Variants in UBASH3B observed in about 807,000 individuals in gnomAD.
UBASH3B encodes the protein ubiquitin-associated and SH3 domain-containing protein B.
A neutral mutation model predicts 83.4 loss-of-function variants in UBASH3B; 37 were observed. That is an observed-to-expected ratio of 0.44 (90% CI 0.34 to 0.58). The LOEUF is 0.58. UBASH3B is among the 20% of genes least tolerant of loss of function. The probability of loss-of-function intolerance (pLI) is 0.01; values close to 1 mark genes in which losing one functional copy is unlikely to be tolerated. For synonymous variants in UBASH3B, 304 were observed against 318.3 expected (o/e 0.96, Z 0.48); for missense variants, 657 against 827.2 (o/e 0.79, Z 2.52).
intron 1 of UBASH3B, among the ~76,000 whole-genome samples, chr11:122,695,621 C>T (rs558867432): frequency 1.3e-5 from 2 of 152,072 alleles, no homozygotes; most frequent in African/African-American, 4.8e-5. Flanking sequence ...ACTTTTTCCC[C>T]GTTATCCATC....
chr11:122,767,266 CAA>C (rs202221314), intron 1 of UBASH3B, among the ~76,000 whole-genome samples: 261 of 140,806 alleles, frequency 1.9e-3, no homozygotes, highest in Middle Eastern at 3.6e-3. Flanking sequence ...GACTCCGTCT[CAA>C]AAAAAAAAAA....
intron 1 of UBASH3B, among the ~76,000 whole-genome samples, chr11:122,719,422 C>A (rs1401358276): frequency 3.3e-5 from 5 of 152,156 alleles, no homozygotes; most frequent in Non-Finnish European, 5.9e-5. Context: ...GTCTTTCTTA[C>A]CATTTTTCTT....
At chr11:122,735,913 C>G (rs1860924750) in intron 1 of UBASH3B, among the ~76,000 whole-genome samples, 1 of 152,146 alleles carries the variant, frequency 6.6e-6, no homozygotes, top group African/African-American at 2.4e-5. Context: ...AGGATTTTAC[C>G]TGTAGGTAAC....
chr11:122,755,032 A>C (rs1350703815), intron 1 of UBASH3B, among the ~76,000 whole-genome samples: 1 of 152,154 alleles, frequency 6.6e-6, no homozygotes, highest in Non-Finnish European at 1.5e-5. Flanking sequence ...GCGCCAAGTC[A>C]CTGGGACCTT....
At chr11:122,778,257 T>C (rs991882967) in intron 3 of UBASH3B, among the ~76,000 whole-genome samples, 1 of 152,216 alleles carries the variant, frequency 6.6e-6, no homozygotes. Context: ...TAACACCTTC[T>C]CTTTTACCAT....
chr11:122,731,832 C>G (rs1464932136), intron 1 of UBASH3B, among the ~76,000 whole-genome samples: 1 of 152,208 alleles, frequency 6.6e-6, no homozygotes, highest in African/African-American at 2.4e-5. Flanking sequence ...TAAATGTTTG[C>G]TCTCTTGTCA....
rs1860888425 is a variant in UBASH3B at position 122,783,205 on chromosome 11, C to T, written c.754C>T (p.Arg252Ter). 2 of 1,613,738 alleles carry T rather than the reference C, an allele frequency of 1.2e-6. No homozygotes were observed. Among genetic ancestry groups the T allele is most frequent in the Non-Finnish European group, 1.7e-6 (2 of 1,179,904 alleles). ...GGCTACCATATTTTCTCGGGATATC[C>T]GATTTGCTAACCATGAGGTAATGTC... ...WVATIFSRDI[R>*]FANHETLQVI... The change falls in exon 5 of 14, where the codon CGA (arginine) becomes TGA (stop). Residue 252 changes from arginine (R) to a stop codon, truncating the protein, a stop_gained. Coordinates refer to ENST00000284273, the MANE Select transcript of UBASH3B (RefSeq NM_032873.5). LOFTEE classifies it high-confidence loss of function.
intron 1 of UBASH3B, among the ~76,000 whole-genome samples, chr11:122,666,933 A>G (rs979293725): frequency 4.6e-5 from 7 of 151,960 alleles, no homozygotes; most frequent in Admixed American, 3.9e-4. Context: ...CTGTGAAGCA[A>G]GCCAGACTAA....
chr11:122,671,054 C>T (rs897170017), intron 1 of UBASH3B, among the ~76,000 whole-genome samples: 1 of 152,122 alleles, frequency 6.6e-6, no homozygotes, highest in African/African-American at 2.4e-5. Context: ...TGAGCCACCA[C>T]ACCCTGCTAG....
chr11:122,734,172 C>T (rs1284695362), intron 1 of UBASH3B, among the ~76,000 whole-genome samples: 2 of 152,198 alleles, frequency 1.3e-5, no homozygotes, highest in Non-Finnish European at 2.9e-5. Context: ...AGGCTTGAGC[C>T]ACCACGCCCA....
In UBASH3B at chr11:122,758,796, A is replaced by T. The variant is rs2135974384; in HGVS notation, c.162-17423A>T. Among the ~76,000 whole-genome samples the T allele has an allele frequency of 6.6e-6, 1 of 152,324 alleles. No individual in the cohort carries two copies. The highest frequency in any genetic ancestry group is 3.4e-3 in the Middle Eastern group (1 of 294). ...CAGGAGCGAAATGCAATGAATTCAGATCAGCAATTTCCACTGGTTATGGGA... is the reference window on the plus strand; with the variant it reads ...CAGGAGCGAAATGCAATGAATTCAGTTCAGCAATTTCCACTGGTTATGGGA... On this transcript the variant is annotated intron_variant, in intron 1 of 13. Transcript: ENST00000284273. The surrounding 1 kb of genome is among the most constrained non-coding windows in gnomAD (Gnocchi z 4.2).
intron 6 of UBASH3B, among the ~76,000 whole-genome samples, chr11:122,790,524 G>C (rs1162565837): frequency 6.6e-6 from 1 of 152,170 alleles, no homozygotes; most frequent in East Asian, 1.9e-4. Flanking sequence ...ACAACAACAA[G>C]TAAAGCAAAA....
At chr11:122,689,415 G>C (rs968082055) in intron 1 of UBASH3B, among the ~76,000 whole-genome samples, 1 of 152,022 alleles carries the variant, frequency 6.6e-6, no homozygotes, top group Non-Finnish European at 1.5e-5. Context: ...TCTTACACAC[G>C]AATTTTTGTG....
intron 3 of UBASH3B, among the ~76,000 whole-genome samples, chr11:122,778,412 C>G (rs1860779152): frequency 6.6e-6 from 1 of 152,120 alleles, no homozygotes; most frequent in Non-Finnish European, 1.5e-5. Context: ...CTCTGGGACT[C>G]ATTCTTCCCA....
chr11:122,716,363 C>T (rs892636446), intron 1 of UBASH3B, among the ~76,000 whole-genome samples: 6 of 152,174 alleles, frequency 3.9e-5, no homozygotes, highest in Admixed American at 2.0e-4. Flanking sequence ...TTAGTAGAGA[C>T]GGTGTTTTGC....
intron 1 of UBASH3B, among the ~76,000 whole-genome samples, chr11:122,750,666 A>G (rs1024849058): frequency 2.0e-5 from 3 of 152,160 alleles, no homozygotes; most frequent in Admixed American, 2.0e-4. Flanking sequence ...TTGCATCTCT[A>G]GAGTCCATTT....
chr11:122,778,422 A>T (rs1860779403), intron 3 of UBASH3B, among the ~76,000 whole-genome samples: 1 of 152,116 alleles, frequency 6.6e-6, no homozygotes, highest in Admixed American at 6.6e-5. Context: ...CATTCTTCCC[A>T]ACTATCATGA....
rs1861123798 is a variant in UBASH3B at position 122,794,732 on chromosome 11, C to A, written c.1011C>A (p.Ser337=). Residue 337 remains serine (S), a synonymous_variant, in exon 7 of 14, where the codon TCC becomes TCA. Coordinates refer to ENST00000284273, the MANE Select transcript of UBASH3B (RefSeq NM_032873.5). ...ATTCAATCTTAAATACATCGTCATC[C>A]AACTCTCTCACGTTTGGGGATGGAG... The part of the protein sequence containing the change: ...GSYSILNTSS[S]NSLTFGDGVL... The A allele has an allele frequency of 1.1e-5, 18 of 1,613,962 alleles. No homozygotes were observed. Among genetic ancestry groups the A allele is most frequent in the Non-Finnish European group, 1.4e-5 (17 of 1,180,022 alleles).
intron 5 of UBASH3B, among the ~76,000 whole-genome samples, chr11:122,787,526 T>C (rs1486855532): frequency 3.9e-5 from 6 of 152,242 alleles, no homozygotes; most frequent in African/African-American, 1.4e-4. Context: ...CTCCTTTCTT[T>C]AGCGATTTCC....
Sources: allele counts gnomAD v4.1 joint callset (sites outside exome capture counted in the v4.1 genomes callset), GRCh38; gene constraint gnomAD v4.1.1; non-coding constraint Gnocchi (gnomAD v3.1); transcripts MANE v1.5; gene names NCBI Gene and HGNC (gene_info 2026-07-23, HGNC 2026-07-21).